EBF1: variants seen among roughly 807,000 people sequenced by gnomAD.
The protein encoded by EBF1 is EBF transcription factor 1.
A neutral mutation model predicts 68.4 loss-of-function variants in EBF1; 10 were observed. The ratio of observed to expected loss-of-function variants is 0.15; its 90% CI spans 0.09 to 0.25. EBF1 has a LOEUF of 0.25. EBF1 is among the 10% of genes least tolerant of loss of function. EBF1 has a pLI of 1.00. For missense variants in EBF1, 509 were observed against 794.4 expected (o/e 0.64, Z 4.32); for synonymous variants, 298 against 299.8 (o/e 0.99, Z 0.06).
At chr5:158,715,351 T>C (rs550974830) in intron 11 of EBF1, among the ~76,000 whole-genome samples, 1 of 152,390 alleles carries the variant, frequency 6.6e-6, no homozygotes, top group African/African-American at 2.4e-5. Context: ...CGCATTCATT[T>C]TGCTGTCATC....
chr5:158,780,594 AT>A (rs1395888414), intron 9 of EBF1, among the ~76,000 whole-genome samples: 7 of 152,232 alleles, frequency 4.6e-5, no homozygotes, highest in African/African-American at 1.7e-4. Context: ...ATAAGAAGGT[AT>A]TGTAGATATT....
chr5:159,031,203 C>T (rs1433170511), intron 6 of EBF1, among the ~76,000 whole-genome samples: 3 of 152,140 alleles, frequency 2.0e-5, no homozygotes, highest in African/African-American at 7.2e-5. Context: ...GAAAAGAGTA[C>T]AGCCCAGGGA....
chr5:158,808,584 C>T (rs942535249), intron 8 of EBF1, among the ~76,000 whole-genome samples: 2 of 152,086 alleles, frequency 1.3e-5, no homozygotes, highest in African/African-American at 4.8e-5. Flanking sequence ...TTTTTGAAAT[C>T]CTCAGTTTCT....
At chr5:158,874,443 T>C (rs1352407132) in intron 6 of EBF1, among the ~76,000 whole-genome samples, 5 of 152,142 alleles carry the variant, frequency 3.3e-5, no homozygotes, top group African/African-American at 1.2e-4. Context: ...GTCACACAAG[T>C]GAATTGAGAC....
At chr5:158,844,803 T>C (rs1275622539) in intron 6 of EBF1, among the ~76,000 whole-genome samples, 2 of 152,150 alleles carry the variant, frequency 1.3e-5, no homozygotes, top group Admixed American at 1.3e-4. Context: ...TTTATTTGGG[T>C]TCATCAATCA....
rs950747695 is a variant in EBF1, at chr5:158,708,005, G to A, written c.1718C>T (p.Thr573Ile). Residue 573 changes from threonine to isoleucine, a missense_variant, in exon 15 of 16, where the codon ACC (threonine) becomes ATC (isoleucine). Physicochemically the swap from Thr to Ile is moderately conservative, Grantham distance 89. Coordinates refer to ENST00000313708, the MANE Select transcript of EBF1 (RefSeq NM_024007.5). ...TTGCAGGCTGTTCCCGTTGGTGCTG[G>A]TGCAGGTGGGAGGTGGGGAGGTCTG... ...RPQTSPPPTC[T>I]STNGNSLQAI... 6.5e-7 allele frequency: 1 copy of A among 1,550,348 alleles called. No individual in the cohort carries two copies. Among genetic ancestry groups the A allele is most frequent in the Non-Finnish European group, 8.7e-7 (1 of 1,147,084 alleles).
intron 6 of EBF1, among the ~76,000 whole-genome samples, chr5:159,048,902 T>C (rs1359910690): frequency 1.3e-5 from 2 of 152,198 alleles, no homozygotes; most frequent in African/African-American, 4.8e-5. Context: ...ATGTTTTCAG[T>C]GGAAGCAGTA....
chr5:158,862,865 A>G (rs77963125), intron 6 of EBF1, among the ~76,000 whole-genome samples: 114 of 152,388 alleles, frequency 7.5e-4, no homozygotes, highest in African/African-American at 2.6e-3. Context: ...CAACAAGAAC[A>G]TCTGCTCAGG....
At chr5:158,927,111 G>T (rs184440837) in intron 6 of EBF1, among the ~76,000 whole-genome samples, 80 of 152,210 alleles carry the variant, frequency 5.3e-4, no homozygotes, top group South Asian at 3.1e-3. Context: ...GATTTGCAGC[G>T]GTATTACTGT....
intron 6 of EBF1, among the ~76,000 whole-genome samples, chr5:159,002,230 T>C (rs549871489): frequency 6.6e-6 from 1 of 150,948 alleles, no homozygotes; most frequent in South Asian, 2.1e-4. Flanking sequence ...ACAAAAATAA[T>C]CATTTCTCAA....
At chr5:158,806,847 C>T (rs144106685) in intron 8 of EBF1, among the ~76,000 whole-genome samples, 143 of 152,290 alleles carry the variant, frequency 9.4e-4, no homozygotes, top group African/African-American at 3.2e-3. Context: ...CTATCTTCCA[C>T]ATTCTATCCT....
intron 5 of EBF1, among the ~76,000 whole-genome samples, chr5:159,077,564 A>G (rs527295091): frequency 6.6e-6 from 1 of 152,264 alleles, no homozygotes; most frequent in South Asian, 2.1e-4. Context: ...TCACCTGAAT[A>G]TAAGCCCCAC....
chr5:158,835,040 C>A (rs897833238), intron 7 of EBF1, among the ~76,000 whole-genome samples: 35 of 152,152 alleles, frequency 2.3e-4, no homozygotes, highest in African/African-American at 8.4e-4. Flanking sequence ...TCAGAGGCAA[C>A]AGAGACATAA....
At chr5:158,772,106 G>A (rs1195489067) in intron 10 of EBF1, among the ~76,000 whole-genome samples, 2 of 152,150 alleles carry the variant, frequency 1.3e-5, no homozygotes, top group African/African-American at 2.4e-5. Context: ...TACATACAGT[G>A]AGCAAAGAGG....
chr5:158,802,105 G>A (rs1780703077), intron 8 of EBF1, among the ~76,000 whole-genome samples: 1 of 152,114 alleles, frequency 6.6e-6, no homozygotes, highest in African/African-American at 2.4e-5. Flanking sequence ...TGAATTAGTG[G>A]TGTGTGCAGC....
At chr5:158,791,279 A>G (rs970867582) in intron 9 of EBF1, among the ~76,000 whole-genome samples, 5 of 149,500 alleles carry the variant, frequency 3.3e-5, no homozygotes, top group African/African-American at 1.2e-4. Flanking sequence ...AGACCATGCC[A>G]CTGCACTCCA....
chr5:158,820,703 A>C (rs994307100), intron 8 of EBF1, among the ~76,000 whole-genome samples: 2 of 152,226 alleles, frequency 1.3e-5, no homozygotes, highest in Non-Finnish European at 2.9e-5. Flanking sequence ...AAATGTCACC[A>C]TTTTTTGAAA....
intron 11 of EBF1, 50 bp from the exon 12 acceptor site, chr5:158,714,232 T>A: frequency 6.2e-7 from 1 of 1,602,334 alleles, no homozygotes; most frequent in Non-Finnish European, 8.6e-7. Context: ...CAGGTTGTCG[T>A]TATCTTTTGA....
At chr5:158,944,437 A>G (rs1814201016) in intron 6 of EBF1, among the ~76,000 whole-genome samples, 1 of 152,162 alleles carries the variant, frequency 6.6e-6, no homozygotes, top group African/African-American at 2.4e-5. Flanking sequence ...CATGGTGTAT[A>G]TGTGCCACGT....
Sources: gnomAD v4.1 joint callset for allele counts (sites outside exome capture counted in the v4.1 genomes callset) on GRCh38, gnomAD v4.1.1 for gene constraint, MANE v1.5 for transcripts, NCBI Gene and HGNC (gene_info 2026-07-23, HGNC 2026-07-21) for gene names.